PLCB1: variants seen among roughly 807,000 people sequenced by gnomAD.
PLCB1 encodes 1-phosphatidylinositol 4,5-bisphosphate phosphodiesterase beta-1.
Under a neutral mutation model 161.8 loss-of-function variants are expected in PLCB1, and 46 were observed. That is an observed-to-expected ratio of 0.28 (90% CI 0.22 to 0.36). The LOEUF (loss-of-function observed/expected upper bound fraction) is 0.36, where lower values mean the gene tolerates loss of function less well. PLCB1 is among the 10% of genes least tolerant of loss of function. The pLI, the probability that PLCB1 is intolerant of heterozygous loss-of-function variation, is 1.00. For synonymous variants in PLCB1, 517 were observed against 503.7 expected (o/e 1.03, Z -0.35); for missense variants, 1,016 against 1,472.5 (o/e 0.69, Z 5.07).
At chr20:8,273,266 C>T (rs1982371987) in intron 2 of PLCB1, among the ~76,000 whole-genome samples, 1 of 152,012 alleles carries the variant, frequency 6.6e-6, no homozygotes, top group African/African-American at 2.4e-5. Flanking sequence ...TGTATGTAAC[C>T]GTCATTTTAT....
At chr20:8,654,186 T>G (rs1989391464) in intron 7 of PLCB1, among the ~76,000 whole-genome samples, 1 of 152,018 alleles carries the variant, frequency 6.6e-6, no homozygotes, top group Non-Finnish European at 1.5e-5. Context: ...TGAGATTCCT[T>G]GTATATAAGC....
At position 8,166,551 on chromosome 20, in the gene PLCB1, A is replaced by G. The variant is rs909380752; in HGVS notation, c.177+16180A>G. On this transcript the variant is annotated intron_variant, in intron 2 of 31. Coordinates refer to ENST00000338037, the MANE Select transcript of PLCB1 (RefSeq NM_015192.4). ...TTACCATCTGGATACATTGGCTCCC[A>G]ATTTCATATCACCTTCCAATACCCT... Among the ~76,000 whole-genome samples the G allele has an allele frequency of 3.3e-5, 5 of 152,112 alleles. No homozygotes were observed. The East Asian group carries it at 9.6e-4, about 29-fold the overall frequency.
At chr20:8,226,453 A>G (rs1979689023) in intron 2 of PLCB1, among the ~76,000 whole-genome samples, 1 of 152,104 alleles carries the variant, frequency 6.6e-6, no homozygotes, top group South Asian at 2.1e-4. Context: ...GGGGGCCTAT[A>G]GCAATGATTT....
At chr20:8,394,871 T>C (rs1345586241) in intron 3 of PLCB1, among the ~76,000 whole-genome samples, 2 of 152,140 alleles carry the variant, frequency 1.3e-5, no homozygotes, top group Non-Finnish European at 2.9e-5. Flanking sequence ...TCTTTAACAA[T>C]ATTTTTCAAA....
At chr20:8,338,015 A>T (rs527602715) in intron 2 of PLCB1, among the ~76,000 whole-genome samples, 88 of 152,172 alleles carry the variant, frequency 5.8e-4, no homozygotes, top group Non-Finnish European at 9.8e-4. Flanking sequence ...AATGATGCCC[A>T]GAAAGGTGCC....
At position 8,824,527 on chromosome 20, in the gene PLCB1, A is replaced by G. The variant is rs546447903; in HGVS notation, c.3423+34266A>G. ...AGGAATGGCAGGAAGTGGATGAGAA[A>G]GAGTGTGTGATAGAAACTGCAAGTA... On this transcript the variant is annotated intron_variant, in intron 31 of 31. Transcript: ENST00000338037. 1.1e-4 allele frequency among the ~76,000 whole-genome samples: 16 copies of G among 152,298 alleles called. No individual in the cohort carries two copies. In the South Asian group the frequency reaches 3.3e-3, roughly 32 times the overall value.
At position 8,138,151 on chromosome 20, in the gene PLCB1, C is replaced by T. The variant is rs1600191010; in HGVS notation, c.99+5401C>T. 2.6e-5 allele frequency among the ~76,000 whole-genome samples: 4 copies of T among 152,228 alleles called. 1 individual carries two copies. The highest frequency in any genetic ancestry group is 2.6e-4 in the Admixed American group (4 of 15,282). On this transcript the variant is annotated intron_variant, in intron 1 of 31. Coordinates refer to ENST00000338037, the MANE Select transcript of PLCB1 (RefSeq NM_015192.4). ...TATAATTTTCTCTCATAGGTTTTCTCTCTTATCTTGCTTAACACTAATATT... is the reference window on the plus strand; with the variant it reads ...TATAATTTTCTCTCATAGGTTTTCTTTCTTATCTTGCTTAACACTAATATT...
At chr20:8,574,001 A>G (rs930534091) in intron 3 of PLCB1, among the ~76,000 whole-genome samples, 1 of 152,252 alleles carries the variant, frequency 6.6e-6, no homozygotes, top group Non-Finnish European at 1.5e-5. Context: ...CTTTGTTTTT[A>G]AAGACTACTT....
At chr20:8,659,604 A>C (rs996494568) in intron 9 of PLCB1, among the ~76,000 whole-genome samples, 8 of 152,184 alleles carry the variant, frequency 5.3e-5, no homozygotes, top group African/African-American at 1.9e-4. Context: ...TATGGTCATC[A>C]ATAAGAATGA....
intron 2 of PLCB1, among the ~76,000 whole-genome samples, chr20:8,360,067 A>C (rs1180816232): frequency 6.6e-6 from 1 of 152,218 alleles, no homozygotes; most frequent in Non-Finnish European, 1.5e-5. Context: ...GATGGAGAAG[A>C]GTTAAGTAAG....
chr20:8,492,892 CA>C (rs1307089934), intron 3 of PLCB1, among the ~76,000 whole-genome samples: 14 of 149,114 alleles, frequency 9.4e-5, no homozygotes, highest in African/African-American at 3.5e-4. Context: ...AATGTATGTT[CA>C]TTTTTTTCTG....
At chr20:8,673,942 C>T (rs887992765) in intron 9 of PLCB1, among the ~76,000 whole-genome samples, 3 of 152,102 alleles carry the variant, frequency 2.0e-5, no homozygotes, top group African/African-American at 7.2e-5. Context: ...GCTGCCAGAG[C>T]CCCCTCTTCC....
chr20:8,538,708 C>T (rs1268576713), intron 3 of PLCB1, among the ~76,000 whole-genome samples: 2 of 151,530 alleles, frequency 1.3e-5, no homozygotes, highest in African/African-American at 4.8e-5. Flanking sequence ...TATCAAAGTA[C>T]AATGCACCAA....
intron 3 of PLCB1, among the ~76,000 whole-genome samples, chr20:8,611,794 G>A (rs1987913643): frequency 1.3e-5 from 2 of 151,978 alleles, no homozygotes; most frequent in South Asian, 2.1e-4. Flanking sequence ...TTTAAGAGAC[G>A]TATTAGCTGG....
At chr20:8,845,347 A>T (rs1986654699) in intron 31 of PLCB1, among the ~76,000 whole-genome samples, 1 of 152,160 alleles carries the variant, frequency 6.6e-6, no homozygotes, top group Non-Finnish European at 1.5e-5. Flanking sequence ...ATACATTTTT[A>T]GTATTGTTTC....
intron 2 of PLCB1, among the ~76,000 whole-genome samples, chr20:8,275,264 T>A (rs1328842622): frequency 1.3e-5 from 2 of 151,536 alleles, no homozygotes; most frequent in African/African-American, 4.9e-5. Context: ...TGTGTGTGTG[T>A]GTGTGTGTGT....
At chr20:8,628,622 G>A (rs934936918) in intron 4 of PLCB1, 191 bp downstream of exon 4, 11 of 595,836 alleles carry the variant, frequency 1.8e-5, no homozygotes, top group Non-Finnish European at 2.9e-5. Flanking sequence ...TAAGAATTAT[G>A]GAGATTTTTT....
At chr20:8,644,742 G>A (rs1399136089) in intron 4 of PLCB1, among the ~76,000 whole-genome samples, 8 of 151,464 alleles carry the variant, frequency 5.3e-5, no homozygotes, top group African/African-American at 7.3e-5. Context: ...CGCCCCGCCC[G>A]GGAGGTGAGG....
intron 3 of PLCB1, among the ~76,000 whole-genome samples, chr20:8,383,512 G>A (rs1462093214): frequency 6.6e-6 from 1 of 152,108 alleles, no homozygotes. Context: ...TCTTTTAATT[G>A]TAACATTTAT....
Sources: gnomAD v4.1 joint callset for allele counts (sites outside exome capture counted in the v4.1 genomes callset) on GRCh38, gnomAD v4.1.1 for gene constraint, MANE v1.5 for transcripts, NCBI Gene and HGNC (gene_info 2026-07-23, HGNC 2026-07-21) for gene names.